Variants in ME2 observed in about 807,000 individuals in gnomAD.
ME2 encodes malic enzyme 2, also known as NAD-dependent malic enzyme, mitochondrial.
Under a neutral mutation model 73.7 loss-of-function variants are expected in ME2, and 60 were observed. That is an observed-to-expected ratio of 0.81 (90% CI 0.66 to 1.01). The LOEUF (loss-of-function observed/expected upper bound fraction) is 1.01. Ranked by LOEUF, ME2 falls within the 50% of genes least tolerant of loss-of-function variation. The pLI, the probability that ME2 is intolerant of heterozygous loss-of-function variation, is 0.00. For synonymous variants in ME2, 199 were observed against 236.9 expected (o/e 0.84, Z 1.47); for missense variants, 594 against 705.5 (o/e 0.84, Z 1.79).
intron 2 of ME2, among the ~76,000 whole-genome samples, chr18:50,905,842 C>T (rs1917006006): frequency 6.6e-6 from 1 of 152,126 alleles, no homozygotes; most frequent in Non-Finnish European, 1.5e-5. Context: ...GGCTTAAGGT[C>T]TGTGTTGATG....
chr18:50,940,231 T>C (rs1014193718), intron 14 of ME2, 57 bp from the exon 15 acceptor site: 6 of 1,123,990 alleles, frequency 5.3e-6, no homozygotes, highest in Non-Finnish European at 7.9e-6. Flanking sequence ...TTCCATTTAC[T>C]GGGTCCTTAT....
At chr18:50,920,319 C>A (rs745615352) in intron 7 of ME2, 137 bp from the exon 8 acceptor site, 20 of 595,422 alleles carry the variant, frequency 3.4e-5, no homozygotes, top group Non-Finnish European at 4.6e-5. Context: ...CTTTCACAGG[C>A]TCTGAAATTT....
intron 1 of ME2, among the ~76,000 whole-genome samples, chr18:50,891,158 A>C (rs988926927): frequency 1.3e-5 from 2 of 152,258 alleles, no homozygotes; most frequent in Admixed American, 1.3e-4. Flanking sequence ...ACCCAAGGCA[A>C]AAATGTCTGA....
At chr18:50,936,318 A>G (rs1917818449) in intron 13 of ME2, among the ~76,000 whole-genome samples, 1 of 152,200 alleles carries the variant, frequency 6.6e-6, no homozygotes, top group South Asian at 2.1e-4. Context: ...TCAGAAAAAC[A>G]AAAAACCGGG....
At chr18:50,899,613 A>G (rs1033638314) in intron 2 of ME2, among the ~76,000 whole-genome samples, 3 of 152,104 alleles carry the variant, frequency 2.0e-5, no homozygotes, top group Non-Finnish European at 2.9e-5. Context: ...CCCTGTCTCA[A>G]AAAAAATTGT....
At position 50,953,922 on chromosome 18, in the gene ME2, T is replaced by C. The variant is rs1317516720; in HGVS notation, c.*6738T>C. 6.6e-6 allele frequency: 1 copy of C among 152,260 alleles called. No homozygotes were observed. The highest frequency in any genetic ancestry group is 1.5e-5 in the Non-Finnish European group (1 of 68,030). The allele number at this position is 152,260 out of a possible 1,614,324, so 9.4% of individuals were successfully genotyped here. On this transcript the variant is annotated 3_prime_UTR_variant, in exon 16 of 16. Transcript: ENST00000321341. Reference sequence around the variant, plus strand: ...TTAACTGAAATTAAAACCGTACTTTTGCAGTTGATATTTTTGTGTTCCCTT... The same window carrying C: ...TTAACTGAAATTAAAACCGTACTTTCGCAGTTGATATTTTTGTGTTCCCTT...
At chr18:50,946,932 C>T in intron 15 of ME2, 85 bp from the exon 16 acceptor site, 1 of 964,800 alleles carries the variant, frequency 1.0e-6, no homozygotes, top group Non-Finnish European at 1.6e-6. Flanking sequence ...TTCTTCTAAA[C>T]TTATTTTCCT....
chr18:50,887,702 C>G (rs1428136202), intron 1 of ME2, among the ~76,000 whole-genome samples: 1 of 152,186 alleles, frequency 6.6e-6, no homozygotes, highest in Non-Finnish European at 1.5e-5. Context: ...TGTAAACTCT[C>G]AGGATCTCAT....
At chr18:50,917,842 G>A (rs1202671513) in intron 6 of ME2, among the ~76,000 whole-genome samples, 1 of 151,980 alleles carries the variant, frequency 6.6e-6, no homozygotes, top group Non-Finnish European at 1.5e-5. Flanking sequence ...GGGCGTGGTG[G>A]CACATGCTTG....
At chr18:50,886,954 T>C (rs1916487751) in intron 1 of ME2, among the ~76,000 whole-genome samples, 1 of 152,044 alleles carries the variant, frequency 6.6e-6, no homozygotes. Flanking sequence ...TGAGCTGAGA[T>C]CGTGCCACTG....
chr18:50,921,711 G>A (rs557441881), intron 10 of ME2, among the ~76,000 whole-genome samples: 1 of 152,100 alleles, frequency 6.6e-6, no homozygotes, highest in East Asian at 1.9e-4. Context: ...CGAGGCTACC[G>A]TGCCTGGCCG....
intron 13 of ME2, among the ~76,000 whole-genome samples, chr18:50,938,943 T>C (rs912918284): frequency 3.3e-5 from 5 of 152,028 alleles, no homozygotes; most frequent in African/African-American, 9.7e-5. Flanking sequence ...GACAAAGTTA[T>C]GCAGAAAAGG....
chr18:50,890,759 T>G (rs1184582054), intron 1 of ME2, among the ~76,000 whole-genome samples: 1 of 152,198 alleles, frequency 6.6e-6, no homozygotes, highest in African/African-American at 2.4e-5. Flanking sequence ...ATTACATATA[T>G]TACAATTTTG....
intron 14 of ME2, 28 bp from the exon 15 acceptor site, chr18:50,940,260 A>C (rs1675981647): frequency 1.3e-6 from 2 of 1,522,664 alleles, no homozygotes; most frequent in Non-Finnish European, 1.8e-6. Context: ...TTAAACAAAC[A>C]AAAGCAAAAT....
intron 12 of ME2, among the ~76,000 whole-genome samples, chr18:50,926,433 A>G (rs144583287): frequency 6.6e-6 from 1 of 152,314 alleles, no homozygotes; most frequent in East Asian, 1.9e-4. Context: ...TTGATGATAT[A>G]GCATTGTCTT....
chr18:50,926,580 T>C (rs1599115143), intron 12 of ME2, among the ~76,000 whole-genome samples: 1 of 152,226 alleles, frequency 6.6e-6, no homozygotes, highest in African/African-American at 2.4e-5. Flanking sequence ...TGAAAAAATA[T>C]CAGCCAGTAT....
chr18:50,887,398 T>A (rs889027898), intron 1 of ME2, among the ~76,000 whole-genome samples: 5 of 152,168 alleles, frequency 3.3e-5, no homozygotes, highest in Admixed American at 6.5e-5. Context: ...ACATGAATAC[T>A]ACTTAGGATC....
chr18:50,918,848 C>T (rs941134220), intron 7 of ME2, among the ~76,000 whole-genome samples: 17 of 152,126 alleles, frequency 1.1e-4, no homozygotes, highest in Admixed American at 9.8e-4. Flanking sequence ...TCTGTAGTTC[C>T]ACTGCTCTTG....
At chr18:50,903,152 TAGG>T (rs745655757) in intron 2 of ME2, among the ~76,000 whole-genome samples, 10 of 152,096 alleles carry the variant, frequency 6.6e-5, no homozygotes, top group Non-Finnish European at 1.5e-4. Flanking sequence ...ATGGAGAAAG[TAGG>T]AGAAGAGTAG....
Sources: allele counts gnomAD v4.1 joint callset (sites outside exome capture counted in the v4.1 genomes callset), GRCh38; gene constraint gnomAD v4.1.1; transcripts MANE v1.5; gene names NCBI Gene and HGNC (gene_info 2026-07-23, HGNC 2026-07-21).